Variants in CSGALNACT1 observed in about 807,000 individuals in gnomAD.
CSGALNACT1 encodes the protein beta4GalNAcT-1.
CSGALNACT1 carries 52 observed loss-of-function variants against 51.0 expected under a neutral mutation model. The observed-to-expected ratio is 1.02, with a 90% CI of 0.82 to 1.29. The LOEUF is 1.29. CSGALNACT1 is among the 50% of genes most tolerant of loss of function. The probability of loss-of-function intolerance (pLI) is 0.00; values close to 1 mark genes in which losing one functional copy is unlikely to be tolerated. For missense variants in CSGALNACT1, 935 were observed against 679.2 expected (o/e 1.38, Z -4.19); for synonymous variants, 341 against 254.4 (o/e 1.34, Z -3.24).
chr8:19,656,106 C>T (rs1410930901), intron 1 of CSGALNACT1, among the ~76,000 whole-genome samples: 1 of 152,182 alleles, frequency 6.6e-6, no homozygotes, highest in Non-Finnish European at 1.5e-5. Flanking sequence ...ACTCCATTCA[C>T]TTCAGTCATC....
intron 1 of CSGALNACT1, among the ~76,000 whole-genome samples, chr8:19,714,520 C>T (rs1401835936): frequency 6.6e-6 from 1 of 151,998 alleles, no homozygotes; most frequent in Non-Finnish European, 1.5e-5. Flanking sequence ...CTGATTTTAC[C>T]CCAGAGCTCT....
intron 1 of CSGALNACT1, among the ~76,000 whole-genome samples, chr8:19,756,024 C>A (rs936981233): frequency 6.6e-6 from 1 of 152,106 alleles, no homozygotes. Context: ...GCCTTTTATG[C>A]CTAAGGCTTA....
At chr8:19,631,330 G>C (rs2055229105) in intron 1 of CSGALNACT1, among the ~76,000 whole-genome samples, 1 of 152,140 alleles carries the variant, frequency 6.6e-6, no homozygotes, top group African/African-American at 2.4e-5. Context: ...GCAATGAATG[G>C]AGTTTCTGTT....
At chr8:19,604,429 A>C (rs759820301), upstream of CSGALNACT1, among the ~76,000 whole-genome samples, 6 of 152,216 alleles carry the variant, frequency 3.9e-5, no homozygotes, top group Non-Finnish European at 8.8e-5. Context: ...TAATATTTCC[A>C]CTTTACAAAC....
At chr8:19,588,534 T>G (rs1471978379) in intron 3 of CSGALNACT1, among the ~76,000 whole-genome samples, 1 of 152,238 alleles carries the variant, frequency 6.6e-6, no homozygotes, top group Non-Finnish European at 1.5e-5. Context: ...TAAATTGCAG[T>G]GTGCCCATGC....
At chr8:19,532,517 C>A (rs2082968686) in intron 3 of CSGALNACT1, among the ~76,000 whole-genome samples, 1 of 152,226 alleles carries the variant, frequency 6.6e-6, no homozygotes, top group Non-Finnish European at 1.5e-5. Flanking sequence ...TCTTCCCACT[C>A]CAAATCCTCA....
intron 6 of CSGALNACT1, among the ~76,000 whole-genome samples, chr8:19,424,844 G>A (rs956247716): frequency 6.6e-6 from 1 of 152,200 alleles, no homozygotes; most frequent in Non-Finnish European, 1.5e-5. Context: ...GGGAAGGTCC[G>A]CACCATGGCC....
chr8:19,694,311 G>A (rs955858899), intron 1 of CSGALNACT1, among the ~76,000 whole-genome samples: 2 of 152,190 alleles, frequency 1.3e-5, no homozygotes, highest in Non-Finnish European at 2.9e-5. Context: ...AGTAAGTACA[G>A]TATAATGACA....
In CSGALNACT1 at chr8:19,432,854, T is replaced by C. The variant is rs144262843; in HGVS notation, c.953+6976A>G. Among the ~76,000 whole-genome samples, 1,483 of 152,290 alleles carry C rather than the reference T, an allele frequency of 9.7e-3. 21 individuals are homozygous for C. The highest frequency in any genetic ancestry group is 0.034 in the African/African-American group (1,407 of 41,578). The stretch of plus-strand genomic sequence containing the variant: ...TTTTCATATACTTCAGTTCTTTAAA[T>C]GTGTTTTTACTTTTGTGAATATACT... On this transcript the variant is annotated intron_variant, in intron 6 of 9. Coordinates refer to ENST00000454498, the Ensembl canonical transcript of CSGALNACT1.
At chr8:19,498,697 C>T (rs2153980621) in intron 4 of CSGALNACT1, among the ~76,000 whole-genome samples, 1 of 152,338 alleles carries the variant, frequency 6.6e-6, no homozygotes, top group African/African-American at 2.4e-5. Flanking sequence ...TGAGCCTTTC[C>T]TGCCCACTCC....
intron 3 of CSGALNACT1, among the ~76,000 whole-genome samples, chr8:19,538,835 ACT>A (rs1162474084): frequency 6.6e-6 from 1 of 151,732 alleles, no homozygotes; most frequent in Non-Finnish European, 1.5e-5. Flanking sequence ...CTGCCCCCAG[ACT>A]CTGTGTCTCC....
At chr8:19,676,574 T>C (rs116745162) in intron 1 of CSGALNACT1, among the ~76,000 whole-genome samples, 1 of 152,276 alleles carries the variant, frequency 6.6e-6, no homozygotes, top group Non-Finnish European at 1.5e-5. Context: ...CAGTAACTTG[T>C]GGAATGATAC....
intron 3 of CSGALNACT1, among the ~76,000 whole-genome samples, chr8:19,556,498 G>C (rs1314609890): frequency 6.6e-6 from 1 of 152,134 alleles, no homozygotes; most frequent in Admixed American, 6.5e-5. Flanking sequence ...AAATCCAATG[G>C]ATTTGGCTTT....
chr8:19,454,284 T>C (rs1329640279), intron 5 of CSGALNACT1, among the ~76,000 whole-genome samples: 1 of 152,248 alleles, frequency 6.6e-6, no homozygotes, highest in African/African-American at 2.4e-5. Context: ...GGAAGAGGAC[T>C]GCTGATGAAT....
At chr8:19,552,228 G>T (rs1324052066) in intron 3 of CSGALNACT1, among the ~76,000 whole-genome samples, 1 of 152,098 alleles carries the variant, frequency 6.6e-6, no homozygotes, top group African/African-American at 2.4e-5. Flanking sequence ...GACACAAGAT[G>T]GTTGGCCTAA....
chr8:19,552,924 A>G (rs886823104), intron 3 of CSGALNACT1, among the ~76,000 whole-genome samples: 2 of 152,306 alleles, frequency 1.3e-5, no homozygotes, highest in East Asian at 3.9e-4. Context: ...GCCCTGGGGA[A>G]AAACAGAGGC....
At chr8:19,421,664 C>G (rs1352198050) in intron 6 of CSGALNACT1, among the ~76,000 whole-genome samples, 1 of 152,216 alleles carries the variant, frequency 6.6e-6, no homozygotes, top group African/African-American at 2.4e-5. Context: ...GTACCCGTCT[C>G]GGGTAAAGGC....
chr8:19,626,308 A>C (rs2054449655), intron 1 of CSGALNACT1, among the ~76,000 whole-genome samples: 1 of 152,204 alleles, frequency 6.6e-6, no homozygotes, highest in African/African-American at 2.4e-5. Context: ...CAAAGATTTA[A>C]AAAGCAACTG....
intron 1 of CSGALNACT1, among the ~76,000 whole-genome samples, chr8:19,625,809 T>C (rs2054378796): frequency 1.3e-5 from 2 of 152,202 alleles, no homozygotes; most frequent in Admixed American, 1.3e-4. Flanking sequence ...GGGGAATTCA[T>C]CCTAAGCCAG....
Sources: allele counts gnomAD v4.1 joint callset (sites outside exome capture counted in the v4.1 genomes callset), GRCh38; gene constraint gnomAD v4.1.1; transcripts MANE v1.5; gene names NCBI Gene and HGNC (gene_info 2026-07-23, HGNC 2026-07-21).